NAALADL2: variants seen among roughly 807,000 people sequenced by gnomAD.
NAALADL2 encodes N-acetylated alpha-linked acidic dipeptidase like 2.
In NAALADL2, 76 loss-of-function variants were observed where a neutral mutation model predicts 87.2. The observed-to-expected ratio is 0.87, with a 90% CI of 0.72 to 1.05. NAALADL2 has a LOEUF of 1.05. NAALADL2 is among the 50% of genes least tolerant of loss of function. The pLI, the probability that NAALADL2 is intolerant of heterozygous loss-of-function variation, is 0.00. For synonymous variants in NAALADL2, 354 were observed against 331.0 expected (o/e 1.07, Z -0.75); for missense variants, 1,089 against 945.8 (o/e 1.15, Z -1.99).
chr3:174,912,554 A>G (rs1733841989), intron 1 of NAALADL2, among the ~76,000 whole-genome samples: 1 of 152,148 alleles, frequency 6.6e-6, no homozygotes. Flanking sequence ...TTGTTTCTTG[A>G]GCAATTTAAC....
At chr3:175,221,563 T>C (rs1560184702) in intron 2 of NAALADL2, among the ~76,000 whole-genome samples, 1 of 152,134 alleles carries the variant, frequency 6.6e-6, no homozygotes, top group Non-Finnish European at 1.5e-5. Flanking sequence ...CTAACTTTGA[T>C]TGCTGATTTG....
intron 2 of NAALADL2, among the ~76,000 whole-genome samples, chr3:174,658,531 CT>C (rs1725202034): frequency 6.6e-6 from 1 of 151,922 alleles, no homozygotes; most frequent in Non-Finnish European, 1.5e-5. Flanking sequence ...CCAGACATGT[CT>C]TTTTGCAATC....
chr3:174,469,216 T>A (rs1716740582), intron 1 of NAALADL2, among the ~76,000 whole-genome samples: 1 of 152,110 alleles, frequency 6.6e-6, no homozygotes, highest in Non-Finnish European at 1.5e-5. Context: ...CTGGACATCA[T>A]TTATTAGAAA....
At chr3:175,170,982 T>C (rs920423736) in intron 2 of NAALADL2, among the ~76,000 whole-genome samples, 4 of 151,994 alleles carry the variant, frequency 2.6e-5, no homozygotes, top group African/African-American at 9.7e-5. Flanking sequence ...TTAGACTTTT[T>C]TCTCATTCAC....
intron 9 of NAALADL2, among the ~76,000 whole-genome samples, chr3:175,541,682 C>A (rs1468367518): frequency 6.6e-6 from 1 of 151,990 alleles, no homozygotes. Flanking sequence ...CCTCAAATAC[C>A]CTAAGGCCAA....
At chr3:174,660,131 C>A (rs1023701067) in intron 2 of NAALADL2, among the ~76,000 whole-genome samples, 3 of 152,034 alleles carry the variant, frequency 2.0e-5, no homozygotes, top group Admixed American at 1.3e-4. Flanking sequence ...GGAATATTTT[C>A]CAATTTTATA....
chr3:175,740,320 G>A (rs1205903682), intron 12 of NAALADL2, among the ~76,000 whole-genome samples: 1 of 152,156 alleles, frequency 6.6e-6, no homozygotes, highest in Non-Finnish European at 1.5e-5. Context: ...ATTAGTATAA[G>A]CAAAAGCCGG....
intron 3 of NAALADL2, among the ~76,000 whole-genome samples, chr3:174,794,024 CCATTA>C (rs1560231290): frequency 6.6e-6 from 1 of 152,022 alleles, no homozygotes; most frequent in Non-Finnish European, 1.5e-5. Flanking sequence ...AAAAATCCTT[CCATTA>C]CAAGTACAGT....
At chr3:175,468,413 A>G (rs1724405781) in intron 8 of NAALADL2, among the ~76,000 whole-genome samples, 1 of 152,100 alleles carries the variant, frequency 6.6e-6, no homozygotes, top group African/African-American at 2.4e-5. Context: ...TCTCAAACTC[A>G]TATTCCAAAT....
intron 2 of NAALADL2, among the ~76,000 whole-genome samples, chr3:175,229,287 T>C (rs982098252): frequency 1.3e-5 from 2 of 151,970 alleles, no homozygotes; most frequent in African/African-American, 4.8e-5. Flanking sequence ...TGTGATATAA[T>C]TGTTTTACAT....
intron 2 of NAALADL2, among the ~76,000 whole-genome samples, chr3:174,697,816 A>G (rs926351349): frequency 3.9e-5 from 6 of 152,104 alleles, no homozygotes; most frequent in Non-Finnish European, 7.4e-5. Flanking sequence ...AAATGGCTGG[A>G]CGCGGTGGCT....
upstream of NAALADL2, chr3:174,859,255 G>A (rs184410096): frequency 1.1e-5 from 7 of 624,286 alleles, no homozygotes; most frequent in African/African-American, 1.1e-4. Flanking sequence ...TGCAAGCCCA[G>A]GTAACTCAGG....
chr3:175,116,129 C>T lies in NAALADL2; in HGVS notation c.545+18838C>T, dbSNP rs552411236. 3.0e-4 allele frequency among the ~76,000 whole-genome samples: 46 copies of T among 152,108 alleles called. No homozygotes were observed. In the South Asian group the frequency reaches 9.1e-3, roughly 30 times the overall value. On this transcript the variant is annotated intron_variant, in intron 2 of 13. Coordinates refer to ENST00000454872, the MANE Select transcript of NAALADL2 (RefSeq NM_207015.3). ...TGACAAACCCACAGCCAATATCATA[C>T]TGAATGGGCAAAAACTGGAAGCATT...
chr3:175,322,125 G>C (rs921105058), intron 4 of NAALADL2, among the ~76,000 whole-genome samples: 1 of 150,274 alleles, frequency 6.7e-6, no homozygotes, highest in Non-Finnish European at 1.5e-5. Context: ...GCATGGTACT[G>C]GTACCAAAAC....
At chr3:175,072,531 G>T (rs1378414660) in intron 1 of NAALADL2, among the ~76,000 whole-genome samples, 15 of 151,554 alleles carry the variant, frequency 9.9e-5, no homozygotes, top group Non-Finnish European at 5.9e-5. Context: ...CTATATCATT[G>T]TATGAGTTAC....
chr3:175,760,010 C>A (rs770197187), intron 13 of NAALADL2, among the ~76,000 whole-genome samples: 4 of 151,864 alleles, frequency 2.6e-5, no homozygotes, highest in Non-Finnish European at 5.9e-5. Flanking sequence ...AGAGCAGAAA[C>A]CTTTAGGAAG....
intron 10 of NAALADL2, among the ~76,000 whole-genome samples, chr3:175,615,935 A>G (rs9822085): frequency 0.026 from 3,837 of 146,926 alleles, 88 homozygotes; most frequent in Admixed American, 0.071. Flanking sequence ...ACATATGATT[A>G]TGTATGTTAT....
At chr3:174,959,158 T>TA (rs1741599888) in intron 1 of NAALADL2, among the ~76,000 whole-genome samples, 1 of 152,050 alleles carries the variant, frequency 6.6e-6, no homozygotes, top group Non-Finnish European at 1.5e-5. Flanking sequence ...CTGCAAGTTT[T>TA]AGTTTGTAAA....
intron 2 of NAALADL2, among the ~76,000 whole-genome samples, chr3:174,628,705 G>A (rs992425449): frequency 6.6e-6 from 1 of 152,002 alleles, no homozygotes; most frequent in Admixed American, 6.6e-5. Flanking sequence ...TAGCACTATT[G>A]CATTATTTCT....
Sources: allele counts gnomAD v4.1 joint callset (sites outside exome capture counted in the v4.1 genomes callset), GRCh38; gene constraint gnomAD v4.1.1; transcripts MANE v1.5; gene names NCBI Gene and HGNC (gene_info 2026-07-23, HGNC 2026-07-21).